Variants in PTHLH observed in about 807,000 individuals in gnomAD.
PTHLH encodes the protein parathyroid hormone-related protein.
PTHLH carries 5 observed loss-of-function variants against 18.6 expected under a neutral mutation model. That is an observed-to-expected ratio of 0.27 (90% confidence interval 0.14 to 0.56). The LOEUF is 0.56. PTHLH is among the 20% of genes least tolerant of loss of function. PTHLH has a pLI of 0.92. For missense variants in PTHLH, 207 were observed against 223.9 expected, an observed-to-expected ratio of 0.92 and a Z score of 0.48; for synonymous variants, 90 against 94.0, an observed-to-expected ratio of 0.96 and a Z score of 0.25.
rs755751413 is a variant in PTHLH, at chr12:27,970,071, C to G, written c.-69G>C. 4 of 519,040 alleles carry G rather than the reference C, an allele frequency of 7.7e-6. No homozygotes were observed. The highest frequency in any genetic ancestry group is 1.9e-5 in the African/African-American group (1 of 52,092). 32.2% of individuals were successfully genotyped at this position (519,040 alleles called of 1,614,324 possible). On this transcript the variant is annotated 5_prime_UTR_variant, in exon 3 of 6. Transcript: ENST00000545234. ...TTCCGGAAAGTTGATTCCACACACC[C>G]TGAGAACAAGTTTCAAGTGCGTGTG...
In PTHLH at chr12:27,961,760, A is replaced by G. The variant is rs532416825; in HGVS notation, c.524+1588T>C. The G allele has an allele frequency of 5.6e-6, 3 of 531,252 alleles. No individual in the cohort carries two copies. The East Asian group carries it at 9.2e-5, about 16-fold the overall frequency. 32.9% of individuals were successfully genotyped at this position (531,252 alleles called of 1,614,324 possible). A position where few individuals can be genotyped will look rare whatever the true frequency, so the allele number is the denominator to read the frequency against. On this transcript the variant is annotated intron_variant, in intron 5 of 5. Coordinates refer to ENST00000545234, the MANE Select transcript of PTHLH (RefSeq NM_198965.2). ...ACTGAAGCTGTACTACTTATCCCAT[A>G]TGATTGCTATTTTATGTGCTATTTA...
At position 27,963,474 on chromosome 12, in the gene PTHLH, C is replaced by A; in HGVS notation, c.398G>T (p.Arg133Leu). 1.2e-6 allele frequency: 2 copies of A among 1,614,180 alleles called. No individual in the cohort carries two copies. The highest frequency in any genetic ancestry group is 1.7e-6 in the Non-Finnish European group (2 of 1,180,026). The stretch of plus-strand genomic sequence containing the variant: ...CCGTTTTTTCTTTTCCTGCTCCTTG[C>A]GTTTCCCGGGCTTGCCTTTCTTTTT... ...GKKKKGKPGK[R>L]KEQEKKKRRT... Residue 133 changes from arginine to leucine, a missense_variant, in exon 5 of 6, where the codon CGC becomes CTC. By Grantham distance (102) the Arg-to-Leu change is moderately radical. Coordinates refer to ENST00000545234, the MANE Select transcript of PTHLH (RefSeq NM_198965.2).
chr12:27,958,611 G>T, intron 5 of PTHLH, 43 bp from the exon 6 acceptor site: 2 of 1,535,328 alleles, frequency 1.3e-6, no homozygotes, highest in African/African-American at 2.8e-5. Context: ...AAACAGGTTA[G>T]TTTTCTTTAC....
chr12:27,962,031 T>G (rs2062766221), intron 5 of PTHLH: 2 of 642,494 alleles, frequency 3.1e-6, no homozygotes, highest in Non-Finnish European at 5.5e-6. Context: ...ATCATTTCAA[T>G]GGAAATGCAT....
Position 27,970,147 on chromosome 12 carries a change from C to T in PTHLH, c.-145G>A. ...GGCGAGGGCGGGTCGTTAGTGGCAGCCGGAGCGGCAGGGAGGCGGCAGCCC... is the reference window on the plus strand; with the variant it reads ...GGCGAGGGCGGGTCGTTAGTGGCAGTCGGAGCGGCAGGGAGGCGGCAGCCC... On this transcript the variant is annotated 5_prime_UTR_variant, in exon 3 of 6. Transcript: ENST00000545234. 1 of 518,116 alleles carries T rather than the reference C, an allele frequency of 1.9e-6. No homozygotes were observed. The highest frequency in any genetic ancestry group is 5.5e-5 in the East Asian group (1 of 18,348). 32.1% of individuals were successfully genotyped at this position (518,116 alleles called of 1,614,324 possible).
intron 5 of PTHLH, 23 bp from the exon 6 acceptor site, chr12:27,958,591 GA>G: frequency 1.3e-6 from 2 of 1,559,336 alleles, no homozygotes; most frequent in Admixed American, 1.9e-5. Flanking sequence ...GGAAGAGAAA[GA>G]AAAGGAGAAA....
At position 27,969,503 on chromosome 12, in the gene PTHLH, C is replaced by T; in HGVS notation, c.-9G>A. 6.4e-7 allele frequency: 1 copy of T among 1,564,486 alleles called. No individual in the cohort carries two copies. Among genetic ancestry groups the T allele is most frequent in the East Asian group, 2.4e-5 (1 of 41,962 alleles). On this transcript the variant is annotated 5_prime_UTR_variant, in exon 4 of 6. Transcript: ENST00000545234. ...ACCAGTCTCCGCTGCATCGTCTCCGCTCGCGCTCGGGACCTGCAACAGAAG... is the reference window on the plus strand; with the variant it reads ...ACCAGTCTCCGCTGCATCGTCTCCGTTCGCGCTCGGGACCTGCAACAGAAG...
intron 5 of PTHLH, among the ~76,000 whole-genome samples, chr12:27,960,717 CAAAAA>C (rs146277675): frequency 1.0e-5 from 1 of 96,118 alleles, no homozygotes; most frequent in African/African-American, 4.0e-5. Context: ...GACTCTGTCT[CAAAAA>C]AAAAAAAAAA....
chr12:27,970,305 C>T (rs1208101106), intron 2 of PTHLH, 38 bp from the exon 3 acceptor site: 1 of 243,052 alleles, frequency 4.1e-6, no homozygotes, highest in Non-Finnish European at 8.4e-6. Context: ...GAGGTGGCGC[C>T]CTAGGAACGC....
intron 4 of PTHLH, chr12:27,969,188 GC>G (rs2062844305): frequency 1.7e-6 from 1 of 593,862 alleles, no homozygotes; most frequent in East Asian, 2.8e-5. Context: ...TCTCTCTCTT[GC>G]CTGTCTCCCG....
At chr12:27,962,491 A>C in intron 5 of PTHLH, 3 of 963,212 alleles carry the variant, frequency 3.1e-6, no homozygotes, top group Non-Finnish European at 3.7e-6. Flanking sequence ...AACTTAAATA[A>C]ATTCAGACCC....
At chr12:27,962,925 A>AT (rs1430818284) in intron 5 of PTHLH, 2 of 1,082,842 alleles carry the variant, frequency 1.8e-6, no homozygotes, top group Non-Finnish European at 2.2e-6. Context: ...AAATGCTTCT[A>AT]TATTCTCCCT....
At chr12:27,966,307 A>C (rs2062812736) in intron 4 of PTHLH, among the ~76,000 whole-genome samples, 1 of 152,232 alleles carries the variant, frequency 6.6e-6, no homozygotes, top group African/African-American at 2.4e-5. Flanking sequence ...AAAGCTTTTC[A>C]TCTGCCTTTT....
chr12:27,969,578 C>A, intron 3 of PTHLH, 62 bp from the exon 4 acceptor site: 1 of 1,335,666 alleles, frequency 7.5e-7, no homozygotes, highest in East Asian at 2.4e-5. Context: ...CCGCACTACT[C>A]CGCTCCCCCT....
chr12:27,964,297 C>CAT (rs2062792627), intron 4 of PTHLH, among the ~76,000 whole-genome samples: 1 of 151,308 alleles, frequency 6.6e-6, no homozygotes, highest in African/African-American at 2.4e-5. Flanking sequence ...CACACACACA[C>CAT]GCCCCATTAA....
chr12:27,968,161 A>G (rs2062833851), intron 4 of PTHLH, among the ~76,000 whole-genome samples: 1 of 152,222 alleles, frequency 6.6e-6, no homozygotes, highest in African/African-American at 2.4e-5. Flanking sequence ...AATACAATGC[A>G]GCCTTATCTT....
In PTHLH at chr12:27,971,943, C is replaced by G. The variant is rs369619378; in HGVS notation, c.-282G>C. On this transcript the variant is annotated 5_prime_UTR_variant, in exon 2 of 6. Transcript: ENST00000545234. ...AATGTCAACCTTTGAACCTCGAACA[C>G]TTTCTGATTTATAAAAAGAATCCTT... 1 of 143,290 alleles carries G rather than the reference C, an allele frequency of 7.0e-6. No individual in the cohort carries two copies. Among genetic ancestry groups the G allele is most frequent in the East Asian group, 2.1e-4 (1 of 4,680 alleles). The allele number at this position is 143,290 out of a possible 1,614,324, so 8.9% of individuals were successfully genotyped here. A position where few individuals can be genotyped will look rare whatever the true frequency, so the allele number is the denominator to read the frequency against.
chr12:27,961,862 T>A, intron 5 of PTHLH: 1 of 660,414 alleles, frequency 1.5e-6, no homozygotes, highest in Non-Finnish European at 2.7e-6. Context: ...CATCCTATAA[T>A]CCTATCTGTA....
chr12:27,958,767 G>T (rs76015901), intron 5 of PTHLH, among the ~76,000 whole-genome samples, 199 bp from the exon 6 acceptor site: 7 of 152,216 alleles, frequency 4.6e-5, no homozygotes, highest in Admixed American at 2.0e-4. Flanking sequence ...TACAGGCAGG[G>T]TCTTCAACCT....
Sources: gnomAD v4.1 joint callset for allele counts (sites outside exome capture counted in the v4.1 genomes callset) on GRCh38, gnomAD v4.1.1 for gene constraint, MANE v1.5 for transcripts, NCBI Gene and HGNC (gene_info 2026-07-23, HGNC 2026-07-21) for gene names.